HTR4: variants seen among roughly 807,000 people sequenced by gnomAD.
HTR4 encodes 5-hydroxytryptamine (serotonin) receptor 4, G protein-coupled.
HTR4 carries 16 observed loss-of-function variants against 36.8 expected under a neutral mutation model. The ratio of observed to expected loss-of-function variants is 0.43; its 90% CI spans 0.29 to 0.66. HTR4 has a LOEUF of 0.66. HTR4 is among the 30% of genes least tolerant of loss of function. The pLI, the probability that HTR4 is intolerant of heterozygous loss-of-function variation, is 0.13. For synonymous variants in HTR4, 189 were observed against 185.1 expected, an observed-to-expected ratio of 1.02 and a Z score of -0.17; for missense variants, 438 against 490.9, an observed-to-expected ratio of 0.89 and a Z score of 1.02.
intron 4 of HTR4, among the ~76,000 whole-genome samples, chr5:148,540,051 C>CA (rs1469690396): frequency 2.6e-5 from 4 of 151,912 alleles, no homozygotes; most frequent in Non-Finnish European, 5.9e-5. Flanking sequence ...TGAAAAATAA[C>CA]AAAATCATGT....
chr5:148,559,940 G>T (rs1241070882), intron 2 of HTR4, among the ~76,000 whole-genome samples: 1 of 152,068 alleles, frequency 6.6e-6, no homozygotes, highest in African/African-American at 2.4e-5. Context: ...GATGGTGGCT[G>T]ATCCTCTTGC....
intron 2 of HTR4, among the ~76,000 whole-genome samples, chr5:148,581,235 T>G (rs1001985233): frequency 2.0e-5 from 3 of 152,190 alleles, no homozygotes; most frequent in Middle Eastern, 3.4e-3. Context: ...TCTTTATATG[T>G]TTTGGAAATT....
At chr5:148,622,069 G>T (rs987733178) in intron 2 of HTR4, among the ~76,000 whole-genome samples, 1 of 152,118 alleles carries the variant, frequency 6.6e-6, no homozygotes, top group Non-Finnish European at 1.5e-5. Flanking sequence ...ACTGCCTCTT[G>T]TAATAATTGC....
intron 4 of HTR4, among the ~76,000 whole-genome samples, chr5:148,538,202 CA>C (rs1403599338): frequency 5.3e-5 from 8 of 151,584 alleles, no homozygotes; most frequent in Non-Finnish European, 8.8e-5. Context: ...TAAAAATTCT[CA>C]AAAAAAACTA....
intron 4 of HTR4, among the ~76,000 whole-genome samples, chr5:148,547,063 A>G (rs1414581031): frequency 6.6e-6 from 1 of 152,162 alleles, no homozygotes; most frequent in Non-Finnish European, 1.5e-5. Context: ...ATTCAACTAT[A>G]TGTTCTTGGC....
intron 1 of HTR4, among the ~76,000 whole-genome samples, chr5:148,644,421 AGTTTTTT>A (rs1315914767): frequency 0.015 from 1,277 of 85,774 alleles, 42 homozygotes; most frequent in African/African-American, 0.054. Flanking sequence ...CAAGCTCACA[AGTTTTTT>A]TTTTTTTTTT....
chr5:148,537,467 A>G (rs1166817195), intron 4 of HTR4, among the ~76,000 whole-genome samples: 3 of 152,138 alleles, frequency 2.0e-5, no homozygotes, highest in African/African-American at 7.2e-5. Context: ...TTTTGAAAAC[A>G]TGAAGAAGAT....
chr5:148,576,073 T>G (rs1356940829), intron 2 of HTR4, among the ~76,000 whole-genome samples: 2 of 121,434 alleles, frequency 1.6e-5, no homozygotes, highest in Non-Finnish European at 1.6e-5. Flanking sequence ...ATCGCGCCAC[T>G]GCACTCCAGC....
At chr5:148,592,314 C>G (rs1485282104) in intron 2 of HTR4, among the ~76,000 whole-genome samples, 1 of 152,090 alleles carries the variant, frequency 6.6e-6, no homozygotes, top group Non-Finnish European at 1.5e-5. Flanking sequence ...ATGAAATAAT[C>G]TGTACAACAA....
chr5:148,591,869 C>T (rs1761585822), intron 2 of HTR4, among the ~76,000 whole-genome samples: 1 of 152,134 alleles, frequency 6.6e-6, no homozygotes, highest in African/African-American at 2.4e-5. Flanking sequence ...ATTAGTTTTG[C>T]CATTGTGGAA....
intron 2 of HTR4, among the ~76,000 whole-genome samples, chr5:148,609,867 A>G (rs958261433): frequency 6.6e-6 from 1 of 152,158 alleles, no homozygotes; most frequent in Non-Finnish European, 1.5e-5. Flanking sequence ...CGCCCGGCCC[A>G]TGAGCCACTG....
intron 4 of HTR4, among the ~76,000 whole-genome samples, chr5:148,526,144 A>G (rs977574794): frequency 6.6e-6 from 1 of 152,200 alleles, no homozygotes; most frequent in Non-Finnish European, 1.5e-5. Context: ...GTGAGACAAC[A>G]AGTGTGTATT....
At chr5:148,528,718 C>T (rs781246462) in intron 4 of HTR4, among the ~76,000 whole-genome samples, 3 of 151,862 alleles carry the variant, frequency 2.0e-5, no homozygotes, top group Non-Finnish European at 4.4e-5. Flanking sequence ...ATAATGTCCC[C>T]GTTAATAACA....
downstream of HTR4, among the ~76,000 whole-genome samples, chr5:148,480,520 A>G (rs995927916): frequency 1.3e-5 from 2 of 152,208 alleles, no homozygotes; most frequent in African/African-American, 4.8e-5. Flanking sequence ...TTGGGACTAC[A>G]GGCAGATGCC....
downstream of HTR4, chr5:148,476,687 G>A: frequency 6.3e-7 from 1 of 1,586,182 alleles, no homozygotes; most frequent in Non-Finnish European, 8.6e-7. Context: ...CCTGTGTTGG[G>A]CACTAAGAAA....
intron 2 of HTR4, among the ~76,000 whole-genome samples, chr5:148,614,642 C>T (rs1752586791): frequency 6.6e-6 from 1 of 152,184 alleles, no homozygotes; most frequent in Non-Finnish European, 1.5e-5. Context: ...ATGTCTAAGA[C>T]ACCAAAAGCA....
At chr5:148,498,256 T>A (rs925365121) in intron 6 of HTR4, among the ~76,000 whole-genome samples, 1 of 152,190 alleles carries the variant, frequency 6.6e-6, no homozygotes, top group Non-Finnish European at 1.5e-5. Flanking sequence ...CTTGGAAAAG[T>A]AAAATTCCAT....
At chr5:148,531,453 C>A (rs1758563380) in intron 4 of HTR4, among the ~76,000 whole-genome samples, 1 of 152,086 alleles carries the variant, frequency 6.6e-6, no homozygotes, top group Non-Finnish European at 1.5e-5. Flanking sequence ...TGTGCCTTTC[C>A]CCTTCTGCCA....
chr5:148,637,777 T>C (rs1442065302), intron 1 of HTR4, among the ~76,000 whole-genome samples: 1 of 152,230 alleles, frequency 6.6e-6, no homozygotes, highest in African/African-American at 2.4e-5. Flanking sequence ...TCTTTACTAA[T>C]TGTTCAGTTC....
Sources: allele counts gnomAD v4.1 joint callset (sites outside exome capture counted in the v4.1 genomes callset), GRCh38; gene constraint gnomAD v4.1.1; transcripts MANE v1.5; gene names NCBI Gene and HGNC (gene_info 2026-07-23, HGNC 2026-07-21).